The following LRP1B variants were observed in gnomAD, a reference collection of about 807,000 sequenced individuals.
The protein encoded by LRP1B is LDL receptor related protein 1B.
A neutral mutation model predicts 556.6 loss-of-function variants in LRP1B; 217 were observed. That is an observed-to-expected ratio of 0.39 (90% CI 0.35 to 0.44). The LOEUF (loss-of-function observed/expected upper bound fraction) is 0.44, where lower values mean the gene tolerates loss of function less well. Ranked by LOEUF, LRP1B falls within the 20% of genes least tolerant of loss-of-function variation. LRP1B has a pLI of 1.00. For missense variants in LRP1B, 5,053 were observed against 5,620.8 expected (o/e 0.90, Z 3.23); for synonymous variants, 2,047 against 1,865.8 (o/e 1.10, Z -2.50).
At chr2:141,950,912 T>C (rs1701088548) in intron 1 of LRP1B, among the ~76,000 whole-genome samples, 1 of 152,102 alleles carries the variant, frequency 6.6e-6, no homozygotes, top group South Asian at 2.1e-4. Context: ...TTGGTATCCT[T>C]CTCCACATCT....
intron 2 of LRP1B, among the ~76,000 whole-genome samples, chr2:141,524,157 T>G (rs1007997580): frequency 1.3e-5 from 2 of 152,058 alleles, no homozygotes; most frequent in African/African-American, 4.8e-5. Context: ...AAGTATAATG[T>G]CTGTGTTTTT....
rs190568108 is a variant in LRP1B at position 140,326,473 on chromosome 2, C to A, written c.12224-595G>T. Among the ~76,000 whole-genome samples the A allele has an allele frequency of 4.0e-4, 60 of 150,654 alleles. 2 individuals are homozygous for A. The East Asian group carries it at 5.8e-3, about 15-fold the overall frequency. On this transcript the variant is annotated intron_variant, in intron 79 of 90. Coordinates refer to ENST00000389484, the MANE Select transcript of LRP1B (RefSeq NM_018557.3). The stretch of plus-strand genomic sequence containing the variant: ...GGGTGTGGTGGCTCACGCCTGTAAT[C>A]CCACCACTTTGGGAGCCTGAGGCGG...
intron 3 of LRP1B, among the ~76,000 whole-genome samples, chr2:141,416,290 G>C (rs1177616032): frequency 6.6e-6 from 1 of 151,980 alleles, no homozygotes; most frequent in Non-Finnish European, 1.5e-5. Flanking sequence ...TGAGGTAAGT[G>C]ACCTTGGCTA....
rs1440133186 is a variant in LRP1B, at chr2:140,903,032, A to G, written c.3654T>C (p.Cys1218=). 6.2e-7 allele frequency: 1 copy of G among 1,613,754 alleles called. No homozygotes were observed. ...DNKTCEIVDY[C]SNHLKCSQVC... is the part of the protein sequence containing the mutation. The stretch of plus-strand genomic sequence containing the variant: ...CTTGGCTGCACTTTAGATGATTGCT[A>G]CAATAATCCACAATTTCACATGTTT... The change falls in exon 23 of 91, where the codon TGT becomes TGC. Residue 1218 remains cysteine (C), a synonymous_variant. Transcript: ENST00000389484.
chr2:140,772,363 G>T (rs1689343124), intron 33 of LRP1B, among the ~76,000 whole-genome samples: 1 of 151,986 alleles, frequency 6.6e-6, no homozygotes, highest in Non-Finnish European at 1.5e-5. Flanking sequence ...ATGCTGAAGT[G>T]CAGTGGTGCA....
At chr2:141,031,274 C>CAA (rs973329895) in intron 11 of LRP1B, among the ~76,000 whole-genome samples, 4 of 102,988 alleles carry the variant, frequency 3.9e-5, no homozygotes, top group African/African-American at 1.4e-4. Flanking sequence ...CACACACACA[C>CAA]ACACACATAC....
At chr2:141,896,736 A>C (rs1699463652) in intron 1 of LRP1B, among the ~76,000 whole-genome samples, 1 of 152,192 alleles carries the variant, frequency 6.6e-6, no homozygotes, top group African/African-American at 2.4e-5. Context: ...AATAAAAATT[A>C]TCATAGTGAA....
At chr2:141,482,971 T>C (rs1050792196) in intron 2 of LRP1B, among the ~76,000 whole-genome samples, 1 of 151,940 alleles carries the variant, frequency 6.6e-6, no homozygotes, top group Admixed American at 6.6e-5. Flanking sequence ...TTTTATTTTA[T>C]TATTATTATA....
intron 43 of LRP1B, among the ~76,000 whole-genome samples, chr2:140,569,841 G>A (rs994082951): frequency 1.1e-4 from 16 of 151,760 alleles, no homozygotes; most frequent in African/African-American, 3.9e-4. Context: ...GTCATACCAA[G>A]TATATTTTTT....
intron 1 of LRP1B, among the ~76,000 whole-genome samples, chr2:142,088,270 A>G (rs183520401): frequency 6.6e-6 from 1 of 152,320 alleles, no homozygotes; most frequent in East Asian, 1.9e-4. Context: ...TGAAAACATA[A>G]TTACATTAAA....
intron 7 of LRP1B, among the ~76,000 whole-genome samples, chr2:141,135,540 T>C (rs1701470836): frequency 6.6e-6 from 1 of 152,008 alleles, no homozygotes; most frequent in Non-Finnish European, 1.5e-5. Context: ...ATGCCCATGA[T>C]AGAACTACAA....
At chr2:141,995,047 G>A (rs1007713550) in intron 1 of LRP1B, among the ~76,000 whole-genome samples, 3 of 151,974 alleles carry the variant, frequency 2.0e-5, no homozygotes, top group Non-Finnish European at 4.4e-5. Context: ...AAAATCCTTA[G>A]AATTTTAAAA....
chr2:141,722,269 T>C (rs1298757842), intron 2 of LRP1B, among the ~76,000 whole-genome samples: 1 of 152,036 alleles, frequency 6.6e-6, no homozygotes, highest in African/African-American at 2.4e-5. Flanking sequence ...TCACGGCTGC[T>C]CAGGACGCTA....
At chr2:140,620,659 G>A (rs1337918390) in intron 41 of LRP1B, among the ~76,000 whole-genome samples, 1 of 151,890 alleles carries the variant, frequency 6.6e-6, no homozygotes, top group Non-Finnish European at 1.5e-5. Flanking sequence ...TAAGTGTAAA[G>A]ATCTTCAAAA....
intron 1 of LRP1B, among the ~76,000 whole-genome samples, chr2:142,075,750 C>T (rs950230088): frequency 6.6e-6 from 1 of 152,090 alleles, no homozygotes; most frequent in Non-Finnish European, 1.5e-5. Context: ...TCCCTGATAA[C>T]TCTCCCTCCA....
At chr2:140,280,588 G>T (rs1421669532) in intron 84 of LRP1B, among the ~76,000 whole-genome samples, 4 of 151,750 alleles carry the variant, frequency 2.6e-5, no homozygotes, top group Non-Finnish European at 5.9e-5. Flanking sequence ...GCTCAGAAAT[G>T]CATGATGGGA....
At chr2:141,494,022 C>T (rs1472101750) in intron 2 of LRP1B, among the ~76,000 whole-genome samples, 1 of 152,110 alleles carries the variant, frequency 6.6e-6, no homozygotes. Context: ...AGTCTATCAC[C>T]ATGTGCTTAT....
At chr2:140,648,994 C>G (rs1248510614) in intron 41 of LRP1B, among the ~76,000 whole-genome samples, 1 of 151,898 alleles carries the variant, frequency 6.6e-6, no homozygotes, top group Non-Finnish European at 1.5e-5. Flanking sequence ...ACAAACTAAC[C>G]CAAAATATAT....
intron 7 of LRP1B, 107 bp downstream of exon 7, chr2:141,188,314 A>G: frequency 9.4e-7 from 1 of 1,065,742 alleles, no homozygotes; most frequent in Non-Finnish European, 1.4e-6. Flanking sequence ...CATTTCTAAA[A>G]AGTTTGAGTC....
Sources: allele counts gnomAD v4.1 joint callset (sites outside exome capture counted in the v4.1 genomes callset), GRCh38; gene constraint gnomAD v4.1.1; transcripts MANE v1.5; gene names NCBI Gene and HGNC (gene_info 2026-07-23, HGNC 2026-07-21).